NRG3: variants seen among roughly 807,000 people sequenced by gnomAD.
NRG3 encodes pro-neuregulin-3, membrane-bound isoform.
In NRG3, 31 loss-of-function variants were observed where a neutral mutation model predicts 66.9. The ratio of observed to expected loss-of-function variants is 0.46; its 90% CI spans 0.35 to 0.63. The LOEUF is 0.63. Among genes scored for constraint, NRG3 ranks in the 20% least tolerant of loss-of-function variants. The pLI is 0.00. For missense variants in NRG3, 910 were observed against 878.9 expected (o/e 1.04, Z -0.45); for synonymous variants, 393 against 359.4 (o/e 1.09, Z -1.06).
chr10:82,956,102 C>G (rs1479097045), intron 5 of NRG3, among the ~76,000 whole-genome samples: 1 of 151,942 alleles, frequency 6.6e-6, no homozygotes, highest in Non-Finnish European at 1.5e-5. Context: ...CTGTCTTTAT[C>G]CCAGGGTCTG....
chr10:82,137,936 TG>T (rs2069486259), intron 1 of NRG3, among the ~76,000 whole-genome samples: 3 of 152,214 alleles, frequency 2.0e-5, no homozygotes, highest in Admixed American at 6.6e-5. Flanking sequence ...GTCCTTAACT[TG>T]GGTAAGTCCG....
At chr10:82,018,968 C>G (rs1300257165) in intron 1 of NRG3, among the ~76,000 whole-genome samples, 1 of 152,102 alleles carries the variant, frequency 6.6e-6, no homozygotes, top group African/African-American at 2.4e-5. Context: ...ACTTCCAACA[C>G]TATATTGAAT....
rs570857768 is a variant in NRG3, at chr10:81,996,741, A to G, written c.823+120578A>G. Among the ~76,000 whole-genome samples the G allele has an allele frequency of 3.3e-5, 5 of 152,222 alleles. No individual in the cohort carries two copies. The South Asian group carries it at 1.0e-3, about 32-fold the overall frequency. Reference sequence around the variant, plus strand: ...GAGAGAGAAAGGAGGGAGAGGAGGAATAAGAGTGAGAATGTGAATTGCTGT... The same window carrying G: ...GAGAGAGAAAGGAGGGAGAGGAGGAGTAAGAGTGAGAATGTGAATTGCTGT... On this transcript the variant is annotated intron_variant, in intron 1 of 8. Coordinates refer to ENST00000372141, the MANE Select transcript of NRG3 (RefSeq NM_001010848.4).
intron 2 of NRG3, among the ~76,000 whole-genome samples, chr10:82,379,986 A>G (rs1425211612): frequency 1.3e-5 from 2 of 152,002 alleles, no homozygotes; most frequent in African/African-American, 4.8e-5. Context: ...TCTCAAATGC[A>G]ATTTTATAAT....
chr10:82,727,251 C>A (rs1488649829), intron 2 of NRG3, among the ~76,000 whole-genome samples: 1 of 152,178 alleles, frequency 6.6e-6, no homozygotes, highest in Non-Finnish European at 1.5e-5. Context: ...ATCCCCAAGA[C>A]AATGGGGAAA....
chr10:82,954,800 TTGTGTGTGTGTGTG>T (rs113113874), intron 5 of NRG3, among the ~76,000 whole-genome samples: 2 of 147,080 alleles, frequency 1.4e-5, no homozygotes, highest in Non-Finnish European at 3.0e-5. Context: ...CTGGCACAAG[TTGTGTGTGTGTGTG>T]TGTGTGTGTG....
chr10:82,480,899 T>C (rs1292054358), intron 2 of NRG3, among the ~76,000 whole-genome samples: 1 of 152,218 alleles, frequency 6.6e-6, no homozygotes, highest in Non-Finnish European at 1.5e-5. Context: ...AATAATACAA[T>C]GAGACAATCT....
At chr10:82,513,429 A>G (rs1191808965) in intron 2 of NRG3, among the ~76,000 whole-genome samples, 3 of 152,196 alleles carry the variant, frequency 2.0e-5, no homozygotes, top group Admixed American at 6.5e-5. Flanking sequence ...GCGTGCATGT[A>G]TCTGTATAAC....
chr10:82,342,094 A>G (rs1454681904), intron 1 of NRG3, among the ~76,000 whole-genome samples: 1 of 149,628 alleles, frequency 6.7e-6, no homozygotes, highest in African/African-American at 2.5e-5. Context: ...ATATCATACT[A>G]TATGATATAT....
chr10:81,939,271 A>C (rs1202408743), intron 1 of NRG3, among the ~76,000 whole-genome samples: 9 of 152,028 alleles, frequency 5.9e-5, no homozygotes, highest in Admixed American at 5.9e-4. Flanking sequence ...TATTAGGGTA[A>C]AAATGGCCTC....
At chr10:82,382,524 G>A (rs1457081480) in intron 2 of NRG3, among the ~76,000 whole-genome samples, 2 of 151,900 alleles carry the variant, frequency 1.3e-5, no homozygotes, top group Non-Finnish European at 2.9e-5. Context: ...TTGTTAGGTA[G>A]ATTTTGAATT....
chr10:81,894,028 T>C (rs1843276569), intron 1 of NRG3, among the ~76,000 whole-genome samples: 1 of 152,238 alleles, frequency 6.6e-6, no homozygotes, highest in Admixed American at 6.5e-5. Flanking sequence ...TGCCACAGAC[T>C]GCATGGACTA....
chr10:82,613,730 A>T (rs754654543), intron 2 of NRG3, among the ~76,000 whole-genome samples: 4 of 151,474 alleles, frequency 2.6e-5, no homozygotes, highest in Admixed American at 6.6e-5. Flanking sequence ...GTACATGTGC[A>T]TAATGTGCAG....
intron 2 of NRG3, among the ~76,000 whole-genome samples, chr10:82,603,532 C>T (rs575799704): frequency 8.8e-4 from 134 of 152,190 alleles, no homozygotes; most frequent in African/African-American, 3.0e-3. Flanking sequence ...TCCCAGTGTC[C>T]ACATTTCCTG....
At chr10:82,044,621 A>G (rs1422456956) in intron 1 of NRG3, among the ~76,000 whole-genome samples, 1 of 151,994 alleles carries the variant, frequency 6.6e-6, no homozygotes, top group East Asian at 1.9e-4. Flanking sequence ...ACATGTGCAC[A>G]ATGTGCAGGT....
chr10:82,360,807 T>C (rs1404480102), intron 2 of NRG3, among the ~76,000 whole-genome samples: 4 of 152,054 alleles, frequency 2.6e-5, no homozygotes, highest in African/African-American at 9.7e-5. Flanking sequence ...ATGTACCTTA[T>C]TATGTTTCCT....
intron 2 of NRG3, among the ~76,000 whole-genome samples, chr10:82,365,067 C>T (rs1461108830): frequency 1.3e-5 from 2 of 152,120 alleles, no homozygotes; most frequent in Non-Finnish European, 2.9e-5. Context: ...GACAATTCTA[C>T]GATATAACAG....
At chr10:82,642,315 C>T (rs1565157592) in intron 2 of NRG3, among the ~76,000 whole-genome samples, 1 of 151,352 alleles carries the variant, frequency 6.6e-6, no homozygotes, top group Non-Finnish European at 1.5e-5. Context: ...TGAGAAAGAA[C>T]TGTCAGAATT....
At chr10:82,406,820 C>T (rs76869662) in intron 2 of NRG3, among the ~76,000 whole-genome samples, 2,281 of 152,016 alleles carry the variant, frequency 0.015, 42 homozygotes, top group African/African-American at 0.046. Context: ...AGACAGGTAC[C>T]GTTTTCCTCT....
Sources: allele counts gnomAD v4.1 joint callset (sites outside exome capture counted in the v4.1 genomes callset), GRCh38; gene constraint gnomAD v4.1.1; transcripts MANE v1.5; gene names NCBI Gene and HGNC (gene_info 2026-07-23, HGNC 2026-07-21).